The following CDYL variants were observed in gnomAD, a reference collection of about 807,000 sequenced individuals.
CDYL encodes chromodomain Y like.
Under a neutral mutation model 47.3 loss-of-function variants are expected in CDYL, and 8 were observed. That is an observed-to-expected ratio of 0.17 (90% CI 0.10 to 0.31). The LOEUF (loss-of-function observed/expected upper bound fraction) is 0.31, where lower values mean the gene tolerates loss of function less well. Among genes scored for constraint, CDYL ranks in the 10% least tolerant of loss-of-function variants. The pLI is 1.00. For missense variants in CDYL, 471 were observed against 701.4 expected (o/e 0.67, Z 3.71); for synonymous variants, 266 against 265.0 (o/e 1.00, Z -0.04).
chr6:4,908,566 A>G (rs1369336565), intron 2 of CDYL, among the ~76,000 whole-genome samples: 1 of 152,182 alleles, frequency 6.6e-6, no homozygotes, highest in Non-Finnish European at 1.5e-5. Flanking sequence ...CAGGCAACCT[A>G]TATCCTTGGC....
At chr6:4,767,686 A>T (rs1353970579) in intron 3 of CDYL, among the ~76,000 whole-genome samples, 2 of 152,178 alleles carry the variant, frequency 1.3e-5, no homozygotes, top group Non-Finnish European at 2.9e-5. Context: ...CCTTCAGCAA[A>T]TATCATCCCT....
At chr6:4,937,798 C>A in intron 4 of CDYL, 61 bp downstream of exon 4, 2 of 1,358,144 alleles carry the variant, frequency 1.5e-6, no homozygotes, top group Admixed American at 1.9e-5. Flanking sequence ...TAAACCAATC[C>A]TGATAGAATG....
chr6:4,758,915 G>A (rs1031541623), intron 3 of CDYL, among the ~76,000 whole-genome samples: 1 of 149,424 alleles, frequency 6.7e-6, no homozygotes, highest in African/African-American at 2.5e-5. Flanking sequence ...AACAGACATA[G>A]AGTGAAGAGG....
intron 1 of CDYL, among the ~76,000 whole-genome samples, chr6:4,837,466 GT>G (rs367959545): frequency 9.7e-4 from 133 of 136,706 alleles, no homozygotes; most frequent in Middle Eastern, 3.9e-3. Context: ...TGTTGTCGTT[GT>G]TTTTTTTTTT....
In CDYL at chr6:4,777,734, C is replaced by G. The variant is rs1758509170; in HGVS notation, c.24+927C>G. 2.0e-5 allele frequency among the ~76,000 whole-genome samples: 3 copies of G among 152,180 alleles called. No individual in the cohort carries two copies. The South Asian group carries it at 6.2e-4, about 32-fold the overall frequency. On this transcript the variant is annotated intron_variant, in intron 1 of 6. Transcript: ENST00000397588. Reference sequence around the variant, plus strand: ...GAGGGACTTAAGGAAGCATCTGTAACAAGTAGAGCCCTGTGGCCCCAGGGA... The same window carrying G: ...GAGGGACTTAAGGAAGCATCTGTAAGAAGTAGAGCCCTGTGGCCCCAGGGA...
At chr6:4,944,738 A>G (rs1293421380) in intron 5 of CDYL, among the ~76,000 whole-genome samples, 2 of 152,228 alleles carry the variant, frequency 1.3e-5, no homozygotes, top group African/African-American at 4.8e-5. Flanking sequence ...TGGATGTTAT[A>G]ATCAGTGGGT....
intron 1 of CDYL, among the ~76,000 whole-genome samples, chr6:4,854,969 G>A (rs924748549): frequency 3.3e-5 from 5 of 152,218 alleles, no homozygotes; most frequent in Admixed American, 1.3e-4. Flanking sequence ...ACCCGATCCG[G>A]TTATAATTAT....
chr6:4,792,176 G>A (rs1758943715), intron 1 of CDYL, among the ~76,000 whole-genome samples: 1 of 151,762 alleles, frequency 6.6e-6, no homozygotes, highest in Admixed American at 6.6e-5. Flanking sequence ...ACAGATGTGA[G>A]CCACTGCATC....
intron 2 of CDYL, among the ~76,000 whole-genome samples, chr6:4,723,653 C>T (rs192281306): frequency 6.4e-4 from 98 of 152,202 alleles, no homozygotes; most frequent in African/African-American, 2.2e-3. Flanking sequence ...GTAAATCTGA[C>T]TACAAGGCAG....
chr6:4,943,511 GT>G, intron 4 of CDYL, 34 bp from the exon 5 acceptor site: 16 of 1,426,668 alleles, frequency 1.1e-5, no homozygotes, highest in Non-Finnish European at 1.6e-5. Context: ...AATATGCAAT[GT>G]TTTGAGTAAT....
chr6:4,937,922 G>T (rs1758247292), intron 4 of CDYL, among the ~76,000 whole-genome samples, 185 bp downstream of exon 4: 1 of 152,148 alleles, frequency 6.6e-6, no homozygotes, highest in African/African-American at 2.4e-5. Flanking sequence ...ATTACTACTT[G>T]CCTTGGGCAA....
intron 3 of CDYL, among the ~76,000 whole-genome samples, chr6:4,744,577 C>G (rs1369014435): frequency 2.6e-5 from 4 of 152,146 alleles, no homozygotes; most frequent in Non-Finnish European, 5.9e-5. Flanking sequence ...GTCCTACTAC[C>G]ACTGATTACT....
At chr6:4,870,748 A>G (rs926123931) in intron 1 of CDYL, among the ~76,000 whole-genome samples, 6 of 151,776 alleles carry the variant, frequency 4.0e-5, no homozygotes, top group African/African-American at 1.5e-4. Context: ...TCAAATGTTC[A>G]CTGATTCTTT....
At chr6:4,792,159 TG>T (rs1758941888) in intron 1 of CDYL, among the ~76,000 whole-genome samples, 1 of 151,830 alleles carries the variant, frequency 6.6e-6, no homozygotes, top group Non-Finnish European at 1.5e-5. Context: ...CCCAAGGTGC[TG>T]GGATTACAGA....
intron 1 of CDYL, among the ~76,000 whole-genome samples, chr6:4,813,916 T>C (rs1417332217): frequency 6.7e-6 from 1 of 150,032 alleles, no homozygotes; most frequent in Non-Finnish European, 1.5e-5. Context: ...ACTACAGAAG[T>C]GTGCCACTAT....
intron 1 of CDYL, among the ~76,000 whole-genome samples, chr6:4,868,587 G>T (rs1328093953): frequency 1.3e-5 from 2 of 152,094 alleles, no homozygotes; most frequent in Admixed American, 6.5e-5. Flanking sequence ...GTCTTTTGTA[G>T]TAAATGTTCT....
intron 2 of CDYL, among the ~76,000 whole-genome samples, chr6:4,935,135 A>G (rs932718108): frequency 6.6e-6 from 1 of 152,210 alleles, no homozygotes; most frequent in Non-Finnish European, 1.5e-5. Flanking sequence ...GACTCTAATA[A>G]TAAGATGTTT....
chr6:4,848,835 C>G (rs1760740781), intron 1 of CDYL, among the ~76,000 whole-genome samples: 1 of 152,220 alleles, frequency 6.6e-6, no homozygotes, highest in South Asian at 2.1e-4. Flanking sequence ...GGGACACCTG[C>G]TGGCCAGTTT....
At chr6:4,952,445 A>T (rs780676071) in intron 6 of CDYL, 36 bp downstream of exon 6, 64 of 1,576,562 alleles carry the variant, frequency 4.1e-5, no homozygotes, top group South Asian at 5.8e-5. Context: ...GTTACTTTTT[A>T]AAAAATAGAA....
Sources: allele counts gnomAD v4.1 joint callset (sites outside exome capture counted in the v4.1 genomes callset), GRCh38; gene constraint gnomAD v4.1.1; transcripts MANE v1.5; gene names NCBI Gene and HGNC (gene_info 2026-07-23, HGNC 2026-07-21).